SP2: variants seen among roughly 807,000 people sequenced by gnomAD.
SP2 encodes the protein transcription factor Sp2.
Under a neutral mutation model 50.1 loss-of-function variants are expected in SP2, and 9 were observed. The ratio of observed to expected loss-of-function variants is 0.18; its 90% CI spans 0.11 to 0.31. SP2 has a LOEUF of 0.31. SP2 is among the 10% of genes least tolerant of loss of function. The probability of loss-of-function intolerance (pLI) is 1.00; values close to 1 mark genes in which losing one functional copy is unlikely to be tolerated. For missense variants in SP2, 581 were observed against 806.5 expected (o/e 0.72, Z 3.39); for synonymous variants, 313 against 326.6 (o/e 0.96, Z 0.45).
intron 2 of SP2, among the ~76,000 whole-genome samples, chr17:47,915,842 G>A (rs553543559): frequency 1.3e-5 from 2 of 152,280 alleles, no homozygotes; most frequent in African/African-American, 4.8e-5. Flanking sequence ...AGCCAAACAT[G>A]CTTCACTGTC....
At chr17:47,930,843 C>A (rs1376736872), downstream of SP2, among the ~76,000 whole-genome samples, 1 of 152,178 alleles carries the variant, frequency 6.6e-6, no homozygotes, top group Non-Finnish European at 1.5e-5. Context: ...ATCCCTCATG[C>A]CCTTCCTCTC....
At chr17:47,900,381 A>G (rs1341312445) in intron 1 of SP2, 2 of 152,268 alleles carry the variant, frequency 1.3e-5, no homozygotes, top group African/African-American at 2.4e-5. Context: ...AGATCAGCCT[A>G]GAAGAAAACA....
In SP2 at chr17:47,927,834, C is replaced by A. The variant is rs368742340; in HGVS notation, c.*10C>A. The A allele has an allele frequency of 8.8e-5, 134 of 1,517,028 alleles. 1 individual carries two copies. Among genetic ancestry groups the A allele is most frequent in the Middle Eastern group, 6.7e-4 (4 of 5,936 alleles). 94.0% of individuals were successfully genotyped at this position (1,517,028 alleles called of 1,614,324 possible). On this transcript the variant is annotated 3_prime_UTR_variant, in exon 7 of 7. Transcript: ENST00000376741. The stretch of plus-strand genomic sequence containing the variant: ...CACGAAGAACTTGTAAGGCCAACTG[C>A]GGCGGGAGGCCCTGAAGATGCAGTC...
intron 1 of SP2, among the ~76,000 whole-genome samples, chr17:47,909,335 A>C (rs534488813): frequency 6.6e-6 from 1 of 152,156 alleles, no homozygotes; most frequent in East Asian, 1.9e-4. Context: ...TAAAGTCAAA[A>C]CCTCTGGGGC....
rs748063765 is a variant in SP2, at chr17:47,927,838, G to A, written c.*14G>A. 2.6e-5 allele frequency: 39 copies of A among 1,497,248 alleles called. No individual in the cohort carries two copies. In the Admixed American group the frequency reaches 2.7e-4, roughly 10 times the overall value. The allele number at this position is 1,497,248 out of a possible 1,614,324, so 92.7% of individuals were successfully genotyped here. ...AAGAACTTGTAAGGCCAACTGCGGC[G>A]GGAGGCCCTGAAGATGCAGTCCCCC... On this transcript the variant is annotated 3_prime_UTR_variant, in exon 7 of 7. Transcript: ENST00000376741.
rs1598164914 is a variant in SP2 at position 47,923,172 on chromosome 17, C to T, written c.1270C>T (p.Leu424=). The change falls in exon 4 of 7, where the codon CTG becomes TTG. Residue 424 remains leucine, a synonymous_variant. Transcript: ENST00000376741. ...KIAPAGSIIS[L]NAAQLAAAAQ... ...TGCCCCAGCCGGGAGCATCATCAGC[C>T]TGAATGCAGCCCAGTTGGCGGCAGC... 14 of 1,614,218 alleles carry T rather than the reference C, an allele frequency of 8.7e-6. No homozygotes were observed. The highest frequency in any genetic ancestry group is 1.2e-5 in the Non-Finnish European group (14 of 1,180,044).
intron 5 of SP2, 123 bp downstream of exon 5, chr17:47,925,216 A>AC: frequency 1.4e-6 from 2 of 1,429,584 alleles, no homozygotes; most frequent in Non-Finnish European, 1.9e-6. Context: ...GCTCTGTGCC[A>AC]CCTTGCCCCC....
At chr17:47,919,993 C>A (rs556186239) in intron 3 of SP2, among the ~76,000 whole-genome samples, 1 of 151,660 alleles carries the variant, frequency 6.6e-6, no homozygotes, top group Admixed American at 6.6e-5. Flanking sequence ...CGTGCCACCA[C>A]GCCCGGCTAA....
intron 1 of SP2, among the ~76,000 whole-genome samples, chr17:47,903,151 A>C (rs2034611445): frequency 6.6e-6 from 1 of 152,248 alleles, no homozygotes; most frequent in Non-Finnish European, 1.5e-5. Flanking sequence ...GTGAGAGTTA[A>C]AATTATATAG....
chr17:47,896,781 G>C (rs1162622059), intron 1 of SP2, among the ~76,000 whole-genome samples: 1 of 152,204 alleles, frequency 6.6e-6, no homozygotes, highest in African/African-American at 2.4e-5. Flanking sequence ...AGAGAGGGGC[G>C]AGGGAACGCT....
In SP2 at chr17:47,925,393, C is replaced by T; in HGVS notation, c.1593C>T (p.Asp531=). ...GKKKHVCHIP[D]CGKTFRKTSL... The stretch of plus-strand genomic sequence containing the variant: ...AGAAGCACGTGTGCCACATCCCCGA[C>T]TGTGGCAAGACGTTCCGTAAGACGT... Residue 531 remains aspartate, a synonymous_variant, in exon 6 of 7, where the codon GAC becomes GAT. Transcript: ENST00000376741. 6.2e-7 allele frequency: 1 copy of T among 1,614,212 alleles called. No individual in the cohort carries two copies. Among genetic ancestry groups the T allele is most frequent in the Non-Finnish European group, 8.5e-7 (1 of 1,180,026 alleles).
At chr17:47,920,028 C>T (rs1337408174) in intron 3 of SP2, among the ~76,000 whole-genome samples, 1 of 151,132 alleles carries the variant, frequency 6.6e-6, no homozygotes, top group Non-Finnish European at 1.5e-5. Context: ...TTAGTAGAGA[C>T]AGGGTTTCAC....
chr17:47,908,867 C>T (rs1440903376), intron 1 of SP2, among the ~76,000 whole-genome samples: 2 of 152,080 alleles, frequency 1.3e-5, no homozygotes, highest in African/African-American at 4.8e-5. Flanking sequence ...GAATAAAAAT[C>T]TTAAAGATCA....
downstream of SP2, among the ~76,000 whole-genome samples, chr17:47,931,560 G>A (rs909730283): frequency 6.6e-6 from 1 of 152,154 alleles, no homozygotes; most frequent in Non-Finnish European, 1.5e-5. Flanking sequence ...GCAGAGAATG[G>A]GGTGTTCGGG....
intron 6 of SP2, among the ~76,000 whole-genome samples, chr17:47,926,805 G>A (rs1460161691): frequency 6.6e-6 from 1 of 152,054 alleles, no homozygotes; most frequent in Admixed American, 6.6e-5. Context: ...ATTGTCCTGG[G>A]TATCCACAGT....
intron 1 of SP2, chr17:47,914,963 A>C (rs1032845285): frequency 4.1e-5 from 7 of 170,408 alleles, no homozygotes; most frequent in African/African-American, 1.7e-4. Flanking sequence ...CTGTAATCCC[A>C]GCACTTTGGG....
chr17:47,912,290 T>C (rs1217641584), intron 1 of SP2, among the ~76,000 whole-genome samples: 3 of 152,168 alleles, frequency 2.0e-5, no homozygotes, highest in Non-Finnish European at 2.9e-5. Flanking sequence ...AGAGCTGCCC[T>C]CCAGCTCCAT....
intron 1 of SP2, chr17:47,908,795 T>C (rs2034863965): frequency 6.6e-6 from 1 of 152,226 alleles, no homozygotes; most frequent in Non-Finnish European, 1.5e-5. Flanking sequence ...GCTCAAGTGA[T>C]CTGCCCGCCT....
Position 47,916,960 on chromosome 17 carries a change from G to A in SP2, c.889G>A (p.Val297Met). ...VQSPGGGQPA[V>M]VQQVQVVPPK... The stretch of plus-strand genomic sequence containing the variant: ...GAGCCCTGGTGGGGGCCAGCCAGCT[G>A]TGGTCCAGCAGGTCCAGGTGGTGCC... Residue 297 changes from valine (V) to methionine (M), a missense_variant, in exon 3 of 7, where the codon GTG becomes ATG. By Grantham distance (21) the Val-to-Met change is conservative (BLOSUM62 1). This residue lies in a region of SP2 where 397 missense variants were observed against 491.0 expected (regional missense o/e 0.81). Transcript: ENST00000376741. This position sits in a 1 kb window ranked among gnomAD's most constrained non-coding sequence, Gnocchi z 4.7. 2 of 1,614,180 alleles carry A rather than the reference G, an allele frequency of 1.2e-6. No individual in the cohort carries two copies. Among genetic ancestry groups the A allele is most frequent in the Non-Finnish European group, 1.7e-6 (2 of 1,180,018 alleles).
Sources: gnomAD v4.1 joint callset for allele counts (sites outside exome capture counted in the v4.1 genomes callset) on GRCh38, gnomAD v4.1.1 for gene constraint, gnomAD v4.1.1 regional missense constraint, Gnocchi (gnomAD v3.1) non-coding constraint, MANE v1.5 for transcripts, NCBI Gene and HGNC (gene_info 2026-07-23, HGNC 2026-07-21) for gene names.